CCDC81: variants seen among roughly 807,000 people sequenced by gnomAD.
The protein encoded by CCDC81 is coiled-coil domain-containing protein 81.
A neutral mutation model predicts 83.7 loss-of-function variants in CCDC81; 79 were observed. The observed-to-expected ratio is 0.94, with a 90% confidence interval of 0.79 to 1.14. The LOEUF (loss-of-function observed/expected upper bound fraction) is 1.14. Ranked by LOEUF, CCDC81 falls within the 50% of genes most tolerant of loss-of-function variation. The pLI is 0.00. For missense variants in CCDC81, 791 were observed against 778.1 expected (o/e 1.02, Z -0.20); for synonymous variants, 252 against 278.1 (o/e 0.91, Z 0.93).
chr11:86,410,215 T>C (rs1361532457), intron 10 of CCDC81, among the ~76,000 whole-genome samples: 2 of 152,218 alleles, frequency 1.3e-5, no homozygotes, highest in Non-Finnish European at 2.9e-5. Context: ...TTCCTCTTTA[T>C]ATATCACCAT....
chr11:86,387,479 T>A, intron 2 of CCDC81, 37 bp from the exon 3 acceptor site: 1 of 1,603,080 alleles, frequency 6.2e-7, no homozygotes, highest in Non-Finnish European at 8.5e-7. Flanking sequence ...CTTCACTCCT[T>A]CAATGAATTC....
intron 11 of CCDC81, among the ~76,000 whole-genome samples, chr11:86,413,680 G>A (rs1948676543): frequency 6.6e-6 from 1 of 152,150 alleles, no homozygotes; most frequent in Non-Finnish European, 1.5e-5. Flanking sequence ...GATGAAGAAA[G>A]GGACTCGTCT....
Position 86,412,134 on chromosome 11 carries a change from A to C in CCDC81, c.1219-253A>C, listed in dbSNP as rs111545152. ...CTTCCCTGGCAATAATCATTGTCTC[A>C]GTGATTGGCTTTCTGTGCTGTGAGC... On this transcript the variant is annotated intron_variant, in intron 10 of 14. Coordinates refer to ENST00000445632, the MANE Select transcript of CCDC81 (RefSeq NM_001156474.2). Among the ~76,000 whole-genome samples the C allele has an allele frequency of 2.0e-5, 3 of 152,314 alleles. 1 individual carries two copies. Among genetic ancestry groups the C allele is most frequent in the African/African-American group, 7.2e-5 (3 of 41,570 alleles).
chr11:86,412,132 TCA>T (rs1948651133), intron 10 of CCDC81, among the ~76,000 whole-genome samples: 1 of 152,232 alleles, frequency 6.6e-6, no homozygotes, highest in African/African-American at 2.4e-5. Context: ...AATCATTGTC[TCA>T]GTGATTGGCT....
At chr11:86,398,940 G>A (rs1948445980) in intron 6 of CCDC81, among the ~76,000 whole-genome samples, 1 of 152,192 alleles carries the variant, frequency 6.6e-6, no homozygotes, top group Non-Finnish European at 1.5e-5. Flanking sequence ...TTTGAGGACT[G>A]TTCCTCTAGC....
intron 2 of CCDC81, among the ~76,000 whole-genome samples, chr11:86,386,862 A>G (rs1317619214): frequency 6.6e-6 from 1 of 152,190 alleles, no homozygotes; most frequent in African/African-American, 2.4e-5. Flanking sequence ...TTGGAGCTCA[A>G]GATGTGCTCT....
intron 10 of CCDC81, among the ~76,000 whole-genome samples, chr11:86,410,672 T>C (rs1000590176): frequency 6.6e-6 from 1 of 152,224 alleles, no homozygotes; most frequent in African/African-American, 2.4e-5. Context: ...ATCTCTTCTT[T>C]GATATATCTA....
At position 86,422,750 on chromosome 11, in the gene CCDC81, GT is replaced by G; in HGVS notation, c.*40del. 6.3e-7 allele frequency: 1 copy of G among 1,597,700 alleles called. No homozygotes were observed. The highest frequency in any genetic ancestry group is 8.6e-7 in the Non-Finnish European group (1 of 1,169,474). ...TTTGGCTCTTCGTTTCCCGGGGAAA[GT>G]TTTTATCTTTTACATGTTTGGGGGT... On this transcript the variant is annotated 3_prime_UTR_variant, in exon 15 of 15. Transcript: ENST00000445632.
chr11:86,411,510 A>C (rs1465682233), intron 10 of CCDC81, among the ~76,000 whole-genome samples: 5 of 152,200 alleles, frequency 3.3e-5, no homozygotes, highest in Admixed American at 3.3e-4. Flanking sequence ...TGCAGGCTTG[A>C]TGAGTGCGAA....
At chr11:86,420,149 A>G in intron 14 of CCDC81, 96 bp downstream of exon 14, 2 of 1,442,812 alleles carry the variant, frequency 1.4e-6, no homozygotes, top group South Asian at 2.7e-5. Context: ...GGCTGCCTAG[A>G]GAACCTTGTG....
In CCDC81 at chr11:86,407,648, G is replaced by C. The variant is rs766264955; in HGVS notation, c.916G>C (p.Glu306Gln). The C allele has an allele frequency of 6.2e-7, 1 of 1,613,656 alleles. No homozygotes were observed. The highest frequency in any genetic ancestry group is 1.7e-5 in the Admixed American group (1 of 60,010). ...TCCAAGTTGTCTGAAACACGACAGT[G>C]AGATGAAGCCCCAAACATCTCCAGC... ...SYPSCLKHDS[E>Q]MKPQTSPACQ... is the part of the protein sequence containing the mutation. Residue 306 changes from glutamate (E) to glutamine (Q), a missense_variant, in exon 8 of 15, where the codon GAG becomes CAG. Coordinates refer to ENST00000445632, the MANE Select transcript of CCDC81 (RefSeq NM_001156474.2).
chr11:86,410,158 T>C (rs1279117816), intron 10 of CCDC81, among the ~76,000 whole-genome samples: 1 of 152,232 alleles, frequency 6.6e-6, no homozygotes, highest in Non-Finnish European at 1.5e-5. Context: ...ACTGCTTGTT[T>C]TAATGTTTTC....
rs1305131339 is a variant in CCDC81 at position 86,392,753 on chromosome 11, T to C, written c.511T>C (p.Cys171Arg). ...VKMRFYKDFL[C>R]TMDGSGALAK... is the part of the protein sequence containing the mutation. The stretch of plus-strand genomic sequence containing the variant: ...GATGAGGTTTTATAAAGACTTCCTT[T>C]GTACCATGGATGGAAGTGGGGCTTT... The change falls in exon 4 of 15, where the codon TGT (cysteine) becomes CGT (arginine). Residue 171 changes from cysteine (C) to arginine (R), a missense_variant. Physicochemically the swap from Cys to Arg is radical, Grantham distance 180. Transcript: ENST00000445632. 15 of 1,551,556 alleles carry C rather than the reference T, an allele frequency of 9.7e-6. No individual in the cohort carries two copies. Among genetic ancestry groups the C allele is most frequent in the Admixed American group, 2.0e-5 (1 of 50,988 alleles).
At chr11:86,405,303 A>T (rs1948550044) in intron 7 of CCDC81, among the ~76,000 whole-genome samples, 2 of 152,206 alleles carry the variant, frequency 1.3e-5, no homozygotes, top group South Asian at 4.1e-4. Context: ...CTATGTAATT[A>T]ACAGTGCAAC....
intron 13 of CCDC81, 106 bp from the exon 14 acceptor site, chr11:86,419,822 A>C: frequency 1.6e-6 from 2 of 1,260,386 alleles, no homozygotes; most frequent in East Asian, 2.4e-5. Context: ...AGAGTAGTGA[A>C]CAAAACCAGA....
intron 6 of CCDC81, among the ~76,000 whole-genome samples, chr11:86,398,819 T>G (rs1948444647): frequency 6.6e-6 from 1 of 152,168 alleles, no homozygotes; most frequent in Non-Finnish European, 1.5e-5. Flanking sequence ...GTGATCCGCC[T>G]GCCTTGGCCT....
chr11:86,386,133 A>C (rs1343316186), intron 2 of CCDC81, 21 bp downstream of exon 2: 2 of 917,076 alleles, frequency 2.2e-6, no homozygotes, highest in African/African-American at 1.8e-5. Context: ...TTAATTTATT[A>C]ATTTATTAAT....
chr11:86,381,533 T>C (rs745366570), intron 1 of CCDC81, among the ~76,000 whole-genome samples: 1 of 152,160 alleles, frequency 6.6e-6, no homozygotes, highest in Non-Finnish European at 1.5e-5. Context: ...CTCCAGAAAT[T>C]TGTCAATTAC....
intron 12 of CCDC81, 81 bp from the exon 13 acceptor site, chr11:86,415,012 A>AT (rs1294394286): frequency 6.7e-7 from 1 of 1,503,014 alleles, no homozygotes; most frequent in African/African-American, 1.4e-5. Flanking sequence ...AGATGCTGGT[A>AT]TTTTACCACA....
Sources: allele counts gnomAD v4.1 joint callset (sites outside exome capture counted in the v4.1 genomes callset), GRCh38; gene constraint gnomAD v4.1.1; transcripts MANE v1.5; gene names NCBI Gene and HGNC (gene_info 2026-07-23, HGNC 2026-07-21).